Variants in TSPAN7 observed in about 807,000 individuals in gnomAD.
The protein encoded by TSPAN7 is tetraspanin 7.
TSPAN7 carries 1 observed loss-of-function variant against 17.6 expected under a neutral mutation model. The observed-to-expected ratio is 0.06, with a 90% CI of 0.02 to 0.27. The LOEUF (loss-of-function observed/expected upper bound fraction) is 0.27. TSPAN7 is among the 10% of genes least tolerant of loss of function. TSPAN7 has a pLI of 1.00. For missense variants in TSPAN7, 112 were observed against 201.7 expected (o/e 0.56, Z 2.69); for synonymous variants, 78 against 79.0 (o/e 0.99, Z 0.07).
chrX:38,659,679 T>TTTA, intron 1 of TSPAN7, among the ~76,000 whole-genome samples: 1 of 108,580 alleles, frequency 9.2e-6, no homozygotes, highest in Non-Finnish European at 1.9e-5. Context: ...TTTTTTTTTT[T>TTTA]GAGATGGAGG....
At chrX:38,610,009 G>A (rs1414893450) in intron 1 of TSPAN7, among the ~76,000 whole-genome samples, 1 of 111,000 alleles carries the variant, frequency 9.0e-6, no homozygotes, top group Non-Finnish European at 1.9e-5. Flanking sequence ...CAAAAAATCT[G>A]AGAGATTTTT....
chrX:38,573,801 G>T (rs2069180946), intron 1 of TSPAN7, among the ~76,000 whole-genome samples: 1 of 111,433 alleles, frequency 9.0e-6, no homozygotes, highest in South Asian at 3.8e-4. Context: ...ATTTGGATTT[G>T]CCTGATGTTT....
At chrX:38,629,040 T>C (rs758238371) in intron 1 of TSPAN7, among the ~76,000 whole-genome samples, 2 of 112,494 alleles carry the variant, frequency 1.8e-5, no homozygotes, top group Admixed American at 1.9e-4. Flanking sequence ...ATAGAAACAA[T>C]ATGTGAGCCT....
chrX:38,638,770 T>C (rs2069596228), intron 1 of TSPAN7, among the ~76,000 whole-genome samples: 1 of 111,799 alleles, frequency 8.9e-6, no homozygotes, highest in African/African-American at 3.3e-5. Context: ...GGGCTTCAGA[T>C]TTTTTTGAAT....
At chrX:38,583,597 G>A (rs966598064) in intron 1 of TSPAN7, among the ~76,000 whole-genome samples, 1 of 111,893 alleles carries the variant, frequency 8.9e-6, no homozygotes, top group Non-Finnish European at 1.9e-5. Context: ...ATTGATAAGT[G>A]TTCCAAAGGA....
At chrX:38,562,951 A>G in intron 1 of TSPAN7, 1 of 962,813 alleles carries the variant, frequency 1.0e-6, no homozygotes, top group Non-Finnish European at 1.3e-6. Flanking sequence ...ACCACCATAT[A>G]TTAGCCCTAT....
At chrX:38,568,191 A>C (rs1343323424) in intron 1 of TSPAN7, among the ~76,000 whole-genome samples, 1 of 110,840 alleles carries the variant, frequency 9.0e-6, no homozygotes, top group Non-Finnish European at 1.9e-5. Context: ...CCTTTGAAAC[A>C]GTGGACATCA....
chrX:38,565,104 G>T (rs771511490), intron 1 of TSPAN7, among the ~76,000 whole-genome samples: 79 of 112,314 alleles, frequency 7.0e-4, no homozygotes, highest in African/African-American at 2.5e-3. Flanking sequence ...AGTAAATGCA[G>T]TTGGTAAATC....
At chrX:38,586,641 A>G (rs1472886514) in intron 1 of TSPAN7, among the ~76,000 whole-genome samples, 2 of 112,369 alleles carry the variant, frequency 1.8e-5, no homozygotes, top group Non-Finnish European at 3.8e-5. Context: ...TATTTTCATT[A>G]TGTCCTCAGA....
chrX:38,665,510 A>G (rs1468120264), intron 1 of TSPAN7, among the ~76,000 whole-genome samples: 1 of 112,231 alleles, frequency 8.9e-6, no homozygotes, highest in African/African-American at 3.2e-5. Context: ...TGGACTGATC[A>G]GTGGGATTTG....
Position 38,644,650 on chromosome X carries a change from A to G in TSPAN7, c.82-21471A>G, listed in dbSNP as rs1216580083. Among the ~76,000 whole-genome samples, 9 of 111,530 alleles carry G rather than the reference A, an allele frequency of 8.1e-5. No homozygotes were observed. The Admixed American group carries it at 8.5e-4, about 11-fold the overall frequency. On this transcript the variant is annotated intron_variant, in intron 1 of 7. Transcript: ENST00000378482. The stretch of plus-strand genomic sequence containing the variant: ...GGATTCTAGTCCTGGCTCTGCCTCC[A>G]ACTCACTGTGTGATCTTAGGCAAAT...
At chrX:38,591,817 CAT>C (rs2069293706) in intron 1 of TSPAN7, among the ~76,000 whole-genome samples, 1 of 112,204 alleles carries the variant, frequency 8.9e-6, no homozygotes, top group Non-Finnish European at 1.9e-5. Context: ...CTGATATTAA[CAT>C]AACAACATAA....
At position 38,578,158 on chromosome X, in the gene TSPAN7, T is replaced by C. The variant is rs979812169; in HGVS notation, c.81+16531T>C. Among the ~76,000 whole-genome samples the C allele has an allele frequency of 1.3e-4, 15 of 111,624 alleles. No homozygotes were observed. The Middle Eastern group carries it at 0.014, about 103-fold the overall frequency. On this transcript the variant is annotated intron_variant, in intron 1 of 7. Transcript: ENST00000378482. ...TTAAAGGAGGGGGTTGGGGTGGAGATACAAAGTTGTGAAAGGCCATATGTT... is the reference window on the plus strand; with the variant it reads ...TTAAAGGAGGGGGTTGGGGTGGAGACACAAAGTTGTGAAAGGCCATATGTT...
At chrX:38,644,659 T>C in intron 1 of TSPAN7, among the ~76,000 whole-genome samples, 1 of 111,822 alleles carries the variant, frequency 8.9e-6, no homozygotes, top group East Asian at 2.8e-4. Flanking sequence ...CAACTCACTG[T>C]GTGATCTTAG....
rs193200609 is a variant in TSPAN7 at position 38,610,099 on chromosome X, C to T, written c.81+48472C>T. On this transcript the variant is annotated intron_variant, in intron 1 of 7. Coordinates refer to ENST00000378482, the MANE Select transcript of TSPAN7 (RefSeq NM_004615.4). ...ATTTGGGGTTCTTGACAGAAACTGGCTTGACAGTTTATCCAGCAAACATTA... is the reference window on the plus strand; with the variant it reads ...ATTTGGGGTTCTTGACAGAAACTGGTTTGACAGTTTATCCAGCAAACATTA... Among the ~76,000 whole-genome samples the T allele has an allele frequency of 1.9e-3, 207 of 111,830 alleles. 1 individual carries two copies. The highest frequency in any genetic ancestry group is 2.8e-3 in the Non-Finnish European group (146 of 53,080).
chrX:38,606,369 G>A (rs890221700), intron 1 of TSPAN7, among the ~76,000 whole-genome samples: 5 of 111,836 alleles, frequency 4.5e-5, no homozygotes, highest in Non-Finnish European at 1.9e-5. Flanking sequence ...GTAACATTAA[G>A]TGGAGACTAG....
intron 1 of TSPAN7, among the ~76,000 whole-genome samples, chrX:38,575,777 A>G (rs1210514529): frequency 1.8e-5 from 2 of 112,440 alleles, no homozygotes; most frequent in Non-Finnish European, 3.8e-5. Flanking sequence ...AAAAGGTACA[A>G]TAAAGTCAAA....
chrX:38,607,049 G>A (rs113975657), intron 1 of TSPAN7, among the ~76,000 whole-genome samples: 4,979 of 111,339 alleles, frequency 0.045, 236 homozygotes, highest in African/African-American at 0.14. Flanking sequence ...TTCCTATTCT[G>A]GCATTTGCTG....
chrX:38,661,958 T>C (rs67028429), intron 1 of TSPAN7, among the ~76,000 whole-genome samples: 5,204 of 111,665 alleles, frequency 0.047, 317 homozygotes, highest in African/African-American at 0.16. Context: ...AAAAAATTTA[T>C]ACATATGATA....
Sources: gnomAD v4.1 joint callset for allele counts (sites outside exome capture counted in the v4.1 genomes callset) on GRCh38, gnomAD v4.1.1 for gene constraint, MANE v1.5 for transcripts, NCBI Gene and HGNC (gene_info 2026-07-23, HGNC 2026-07-21) for gene names.